Variants in NR2F1-AS1 observed in about 807,000 individuals in gnomAD.
The protein encoded by NR2F1-AS1 is NR2F1 antisense RNA 1.
Position 93,492,061 on chromosome 5 carries a change from T to A in NR2F1-AS1, n.638+61700A>T, listed in dbSNP as rs139191334. Among the ~76,000 whole-genome samples the A allele has an allele frequency of 3.1e-3, 470 of 152,172 alleles. 1 individual carries two copies. The highest frequency in any genetic ancestry group is 0.011 in the African/African-American group (448 of 41,496). ...TAAACCAACAAACTTTTAGCCCCAC[T>A]GATTATAAAAAAAGAAAGATGAAAA... is the stretch of plus-strand genomic sequence containing the variant. On this transcript the variant is annotated intron_variant and non_coding_transcript_variant, in intron 4 of 5. Transcript: ENST00000660523.
At chr5:93,580,488 G>A (rs535108869) in exon 1 of NR2F1-AS1, 2 of 152,442 alleles carry the variant, frequency 1.3e-5, no homozygotes, top group South Asian at 2.1e-4. Context: ...GGATTTGGCC[G>A]AGTCTCGTTT....
chr5:93,429,425 A>C (rs1749264403), intron 4 of NR2F1-AS1, among the ~76,000 whole-genome samples: 1 of 152,180 alleles, frequency 6.6e-6, no homozygotes, highest in African/African-American at 2.4e-5. Flanking sequence ...CTTACCTTTT[A>C]GCATATATTA....
intron 4 of NR2F1-AS1, chr5:93,543,663 C>T (rs1404201663): frequency 2.0e-5 from 3 of 152,156 alleles, no homozygotes; most frequent in Admixed American, 1.3e-4. Flanking sequence ...TGGAAGCAAA[C>T]TCATATTTTA....
chr5:93,539,497 C>G (rs183564309), intron 4 of NR2F1-AS1, among the ~76,000 whole-genome samples: 1 of 152,018 alleles, frequency 6.6e-6, no homozygotes, highest in East Asian at 1.9e-4. Context: ...GTGAAATAAG[C>G]CAGACACAGA....
At chr5:93,580,009 G>A (rs913081318) in intron 1 of NR2F1-AS1, among the ~76,000 whole-genome samples, 1 of 152,220 alleles carries the variant, frequency 6.6e-6, no homozygotes, top group Non-Finnish European at 1.5e-5. Flanking sequence ...GGTTCAGGCC[G>A]TAACCAGGCA....
chr5:93,545,108 C>G (rs1427142472), intron 4 of NR2F1-AS1, among the ~76,000 whole-genome samples: 1 of 152,040 alleles, frequency 6.6e-6, no homozygotes, highest in East Asian at 1.9e-4. Flanking sequence ...GACAGTTTAG[C>G]AGGGCCAGAA....
intron 1 of NR2F1-AS1, among the ~76,000 whole-genome samples, chr5:93,565,005 T>A (rs1295186704): frequency 6.6e-6 from 1 of 152,058 alleles, no homozygotes; most frequent in African/African-American, 2.4e-5. Flanking sequence ...GAAAAGATAG[T>A]CCGAGAAAAA....
intron 4 of NR2F1-AS1, among the ~76,000 whole-genome samples, chr5:93,456,689 T>A (rs1416374106): frequency 6.6e-6 from 1 of 151,590 alleles, no homozygotes; most frequent in Non-Finnish European, 1.5e-5. Context: ...GAAAGAAAAG[T>A]GGGCCCAGGG....
chr5:93,560,356 T>A (rs1752459438), intron 2 of NR2F1-AS1, among the ~76,000 whole-genome samples: 1 of 152,220 alleles, frequency 6.6e-6, no homozygotes, highest in South Asian at 2.1e-4. Context: ...GACTATAAAA[T>A]GTAGGACTTT....
At chr5:93,411,684 T>A (rs1748859841) in intron 4 of NR2F1-AS1, among the ~76,000 whole-genome samples, 1 of 152,122 alleles carries the variant, frequency 6.6e-6, no homozygotes, top group Non-Finnish European at 1.5e-5. Context: ...CTTTAAATAA[T>A]GACTTTGAAA....
At chr5:93,416,024 T>C (rs1392850499) in intron 4 of NR2F1-AS1, among the ~76,000 whole-genome samples, 2 of 152,224 alleles carry the variant, frequency 1.3e-5, no homozygotes, top group Non-Finnish European at 2.9e-5. Context: ...GTTGAAGTGA[T>C]GGATTCTACA....
At chr5:93,431,946 A>G (rs529977974) in intron 4 of NR2F1-AS1, among the ~76,000 whole-genome samples, 20 of 152,258 alleles carry the variant, frequency 1.3e-4, no homozygotes, top group African/African-American at 3.6e-4. Context: ...AGAATGAGTA[A>G]TTTTTCTGAT....
At position 93,462,668 on chromosome 5, in the gene NR2F1-AS1, T is replaced by C. The variant is rs529218556; in HGVS notation, n.639-67126A>G. 1.3e-4 allele frequency among the ~76,000 whole-genome samples: 20 copies of C among 152,282 alleles called. No individual in the cohort carries two copies. The East Asian group carries it at 3.7e-3, about 28-fold the overall frequency. On this transcript the variant is annotated intron_variant and non_coding_transcript_variant, in intron 4 of 5. Transcript: ENST00000660523. Reference sequence around the variant, plus strand: ...TGAATGGCTCTGACAAAAATGCTGATAATGATATGGACAATGAAATCCAGG... The same window carrying C: ...TGAATGGCTCTGACAAAAATGCTGACAATGATATGGACAATGAAATCCAGG...
At chr5:93,514,690 G>A (rs1007566366) in intron 4 of NR2F1-AS1, among the ~76,000 whole-genome samples, 3 of 152,098 alleles carry the variant, frequency 2.0e-5, no homozygotes, top group Admixed American at 6.6e-5. Flanking sequence ...TGTACTTGAG[G>A]AAACAGATCT....
At chr5:93,445,323 A>T (rs1749673979) in intron 4 of NR2F1-AS1, among the ~76,000 whole-genome samples, 1 of 151,976 alleles carries the variant, frequency 6.6e-6, no homozygotes, top group Admixed American at 6.6e-5. Context: ...TAAAGAGAAA[A>T]GAAAGAATCA....
At chr5:93,442,085 T>A (rs979878162) in intron 4 of NR2F1-AS1, among the ~76,000 whole-genome samples, 1 of 152,162 alleles carries the variant, frequency 6.6e-6, no homozygotes, top group Non-Finnish European at 1.5e-5. Flanking sequence ...GGTTCCAAGA[T>A]GGCCAAATAG....
upstream of NR2F1-AS1, chr5:93,584,212 C>G (rs997658862): frequency 6.7e-6 from 1 of 148,590 alleles, no homozygotes; most frequent in Non-Finnish European, 1.5e-5. Flanking sequence ...GGCTGCGGCC[C>G]CGACTCCTGC....
intron 2 of NR2F1-AS1, among the ~76,000 whole-genome samples, chr5:93,561,063 C>T (rs1467640055): frequency 5.9e-5 from 9 of 152,264 alleles, no homozygotes; most frequent in Admixed American, 2.0e-4. Flanking sequence ...CACCTGAGGT[C>T]GGGAGTTCGA....
chr5:93,558,834 G>T (rs1752421782), intron 2 of NR2F1-AS1, among the ~76,000 whole-genome samples: 1 of 152,152 alleles, frequency 6.6e-6, no homozygotes, highest in Non-Finnish European at 1.5e-5. Flanking sequence ...AAAACAGTGG[G>T]TTTAAAATAT....
Sources: allele counts gnomAD v4.1 joint callset (sites outside exome capture counted in the v4.1 genomes callset), GRCh38; gene constraint gnomAD v4.1.1; transcripts MANE v1.5; gene names NCBI Gene and HGNC (gene_info 2026-07-23, HGNC 2026-07-21).